SPAG9: variants seen among roughly 807,000 people sequenced by gnomAD.
SPAG9 encodes the protein C-Jun-amino-terminal kinase-interacting protein 4.
Under a neutral mutation model 166.5 loss-of-function variants are expected in SPAG9, and 35 were observed. That is an observed-to-expected ratio of 0.21 (90% confidence interval 0.16 to 0.28). SPAG9 has a LOEUF of 0.28. SPAG9 is among the 10% of genes least tolerant of loss of function. SPAG9 has a pLI of 1.00. For missense variants in SPAG9, 1,235 were observed against 1,603.3 expected (o/e 0.77, Z 3.92); for synonymous variants, 534 against 565.5 (o/e 0.94, Z 0.79).
intron 1 of SPAG9, among the ~76,000 whole-genome samples, chr17:51,102,212 G>A (rs372310932): frequency 1.5e-3 from 224 of 151,684 alleles, no homozygotes; most frequent in African/African-American, 5.2e-3. Context: ...GTGAAACCCC[G>A]TCTCTAAAAT....
intron 1 of SPAG9, among the ~76,000 whole-genome samples, chr17:51,114,617 G>A (rs755622262): frequency 3.3e-5 from 5 of 152,010 alleles, no homozygotes; most frequent in Non-Finnish European, 7.4e-5. Context: ...GCAACAGAGC[G>A]TGAAACTCAG....
chr17:50,998,606 AGTC>A lies in SPAG9; in HGVS notation c.1673_1675del (p.Arg558del). 1.9e-6 allele frequency: 3 copies of A among 1,614,088 alleles called. No homozygotes were observed. The highest frequency in any genetic ancestry group is 2.5e-6 in the Non-Finnish European group (3 of 1,179,976). On this transcript the variant is annotated inframe_deletion, in exon 15 of 30. Coordinates refer to ENST00000262013, the MANE Select transcript of SPAG9 (RefSeq NM_001130528.3). Reference sequence around the variant, plus strand: ...AGTCGTGTTACTTGAGGAGCTGAAAAGTCGGCTGAAACTAAAAGAAGACAGTAT... The same window carrying A: ...AGTCGTGTTACTTGAGGAGCTGAAAAGGCTGAAACTAAAAGAAGACAGTAT...
At chr17:50,980,625 T>C (rs1974525965) in intron 25 of SPAG9, among the ~76,000 whole-genome samples, 2 of 151,104 alleles carry the variant, frequency 1.3e-5, no homozygotes. Flanking sequence ...CCCAGCACTT[T>C]GGAAGGCCGA....
At chr17:50,993,095 CAAA>C (rs71149332) in intron 19 of SPAG9, among the ~76,000 whole-genome samples, 2 of 75,572 alleles carry the variant, frequency 2.6e-5, no homozygotes, top group Admixed American at 1.5e-4. Flanking sequence ...GACTCCATCT[CAAA>C]AAAAAAAAAA....
intron 2 of SPAG9, among the ~76,000 whole-genome samples, chr17:51,056,728 G>GT (rs551732937): frequency 5.1e-4 from 76 of 148,594 alleles, no homozygotes; most frequent in East Asian, 3.1e-3. Context: ...CCCCTAAACA[G>GT]TTTTTTTTTT....
chr17:51,014,465 G>A (rs1434955950), intron 8 of SPAG9, 112 bp from the exon 9 acceptor site: 10 of 819,534 alleles, frequency 1.2e-5, no homozygotes, highest in Admixed American at 6.2e-5. Flanking sequence ...TATAATTTAC[G>A]TTTACTAGAA....
intron 4 of SPAG9, chr17:51,046,805 C>A: frequency 2.0e-6 from 3 of 1,533,894 alleles, no homozygotes; most frequent in Non-Finnish European, 2.6e-6. Flanking sequence ...CATCCTGCAG[C>A]AGCTCCCAAG....
intron 13 of SPAG9, 74 bp downstream of exon 13, chr17:51,001,641 T>G: frequency 6.9e-7 from 1 of 1,458,968 alleles, no homozygotes; most frequent in African/African-American, 1.4e-5. Context: ...GGGCAGGACT[T>G]AAGTTCCACA....
chr17:51,029,763 G>A (rs2046319587), intron 6 of SPAG9, among the ~76,000 whole-genome samples: 1 of 152,172 alleles, frequency 6.6e-6, no homozygotes, highest in South Asian at 2.1e-4. Context: ...CGGGGCTACA[G>A]TAGTTGGAAA....
At chr17:51,099,787 A>C (rs1248988212) in intron 1 of SPAG9, among the ~76,000 whole-genome samples, 21 of 150,576 alleles carry the variant, frequency 1.4e-4, no homozygotes, top group African/African-American at 3.6e-4. Context: ...AAAAAAAAAA[A>C]AACTAGAAAT....
At chr17:51,111,602 T>G (rs2049113417) in intron 1 of SPAG9, among the ~76,000 whole-genome samples, 1 of 152,044 alleles carries the variant, frequency 6.6e-6, no homozygotes, top group African/African-American at 2.4e-5. Flanking sequence ...GATTTTTTTT[T>G]GTTTTGTTTT....
intron 22 of SPAG9, among the ~76,000 whole-genome samples, chr17:50,986,380 T>C (rs1028616608): frequency 6.6e-6 from 1 of 152,252 alleles, no homozygotes; most frequent in East Asian, 1.9e-4. Context: ...AAAGACATAC[T>C]ACAGGTTGAG....
intron 2 of SPAG9, among the ~76,000 whole-genome samples, chr17:51,060,030 T>C (rs1378348038): frequency 1.3e-5 from 2 of 152,166 alleles, no homozygotes; most frequent in Non-Finnish European, 2.9e-5. Flanking sequence ...ATTCTTACAA[T>C]GGTCTGTAAG....
rs752891486 is a variant in SPAG9 at position 51,014,315 on chromosome 17, C to T, written c.1130G>A (p.Arg377His). Residue 377 changes from arginine (R) to histidine (H), a missense_variant, in exon 9 of 30, where the codon CGC becomes CAC. Physicochemically the swap from Arg to His is conservative, Grantham distance 29. Transcript: ENST00000262013. The part of the protein sequence containing the change: ...TKGIENKAFD[R>H]NTESLFEELS... ...TTCTTCAAAGAGAGATTCTGTATTG[C>T]GATCAAAAGCTTTGTTCTCTATGCC... The T allele has an allele frequency of 1.9e-6, 3 of 1,613,044 alleles. No homozygotes were observed. The highest frequency in any genetic ancestry group is 1.7e-5 in the Admixed American group (1 of 59,948).
chr17:51,042,752 C>G (rs2144408358), intron 4 of SPAG9, among the ~76,000 whole-genome samples: 1 of 152,212 alleles, frequency 6.6e-6, no homozygotes, highest in East Asian at 1.9e-4. Flanking sequence ...GTAAAACTAT[C>G]CCAATGCCTT....
At chr17:51,094,904 T>G (rs2048567310) in intron 1 of SPAG9, among the ~76,000 whole-genome samples, 1 of 152,206 alleles carries the variant, frequency 6.6e-6, no homozygotes, top group African/African-American at 2.4e-5. Context: ...TATCAGTGAA[T>G]GAAACTGAAT....
At chr17:51,117,640 C>T (rs1185533103) in intron 1 of SPAG9, among the ~76,000 whole-genome samples, 3 of 129,110 alleles carry the variant, frequency 2.3e-5, no homozygotes, top group Admixed American at 9.3e-5. Flanking sequence ...ACCCGGGAGG[C>T]GGAGGCTGCA....
chr17:51,023,774 C>A (rs1014593134), intron 6 of SPAG9, among the ~76,000 whole-genome samples: 1 of 152,130 alleles, frequency 6.6e-6, no homozygotes, highest in Non-Finnish European at 1.5e-5. Flanking sequence ...AAGCGATTCT[C>A]GTGCCTCAGT....
intron 21 of SPAG9, 150 bp downstream of exon 21, chr17:50,989,527 G>C: frequency 1.4e-6 from 1 of 728,044 alleles, no homozygotes; most frequent in African/African-American, 1.7e-5. Context: ...GATGGAGCGG[G>C]AATACATGAA....
Sources: gnomAD v4.1 joint callset for allele counts (sites outside exome capture counted in the v4.1 genomes callset) on GRCh38, gnomAD v4.1.1 for gene constraint, MANE v1.5 for transcripts, NCBI Gene and HGNC (gene_info 2026-07-23, HGNC 2026-07-21) for gene names.